Variants in STIMATE observed in about 807,000 individuals in gnomAD.
STIMATE encodes store-operated calcium entry regulator STIMATE.
A neutral mutation model predicts 36.7 loss-of-function variants in STIMATE; 15 were observed. The ratio of observed to expected loss-of-function variants is 0.41; its 90% CI spans 0.27 to 0.63. The LOEUF (loss-of-function observed/expected upper bound fraction) is 0.63. Among genes scored for constraint, STIMATE ranks in the 20% least tolerant of loss-of-function variants. STIMATE has a pLI of 0.32. For missense variants in STIMATE, 305 were observed against 397.3 expected (o/e 0.77, Z 1.98); for synonymous variants, 163 against 162.3 (o/e 1.00, Z -0.03).
rs1175153484 is a variant in STIMATE, at chr3:52,838,171, T to C, written c.*2323A>G. 1 of 152,142 alleles carries C rather than the reference T, an allele frequency of 6.6e-6. No individual in the cohort carries two copies. The allele number at this position is 152,142 out of a possible 1,614,324, so 9.4% of individuals were successfully genotyped here. On this transcript the variant is annotated 3_prime_UTR_variant, in exon 8 of 8. Coordinates refer to ENST00000355083, the MANE Select transcript of STIMATE (RefSeq NM_198563.5). ...TCAGGATACAGGGAAAAACCACCAC[T>C]CTTCAGCTACCTCTTTGTTCCCCAA...
At chr3:52,884,349 G>A (rs531524420) in intron 1 of STIMATE, among the ~76,000 whole-genome samples, 2 of 151,370 alleles carry the variant, frequency 1.3e-5, no homozygotes, top group Non-Finnish European at 2.9e-5. Context: ...GGGTTCAAGC[G>A]ATTCTCCTGC....
chr3:52,846,119 CTT>C (rs1246900582), intron 4 of STIMATE, among the ~76,000 whole-genome samples: 1 of 152,244 alleles, frequency 6.6e-6, no homozygotes, highest in Non-Finnish European at 1.5e-5. Flanking sequence ...AAGGGAATGA[CTT>C]TATGCAGCTG....
intron 1 of STIMATE, among the ~76,000 whole-genome samples, chr3:52,892,916 C>T (rs1290652178): frequency 2.0e-5 from 3 of 152,102 alleles, no homozygotes; most frequent in Non-Finnish European, 4.4e-5. Context: ...ATAACTGCTC[C>T]AGACCAAACT....
chr3:52,897,187 T>C (rs1446546274), intron 1 of STIMATE, 104 bp downstream of exon 1: 1 of 1,420,432 alleles, frequency 7.0e-7, no homozygotes, highest in Non-Finnish European at 9.3e-7. Flanking sequence ...GAGGAGCAAT[T>C]CGGGTCCCAA....
intron 4 of STIMATE, chr3:52,847,192 G>A (rs1700922935): frequency 9.4e-7 from 1 of 1,067,322 alleles, no homozygotes; most frequent in Non-Finnish European, 1.1e-6. Context: ...AATGACAGGT[G>A]TGAGCCACTG....
chr3:52,847,465 C>A (rs1700927280), intron 4 of STIMATE: 1 of 1,289,180 alleles, frequency 7.8e-7, no homozygotes, highest in Admixed American at 2.3e-5. Context: ...CACCATGCGT[C>A]ACCTGGATCT....
At chr3:52,885,502 T>C (rs1028983122) in intron 1 of STIMATE, among the ~76,000 whole-genome samples, 1 of 152,228 alleles carries the variant, frequency 6.6e-6, no homozygotes, top group Admixed American at 6.5e-5. Flanking sequence ...CAACAACGTC[T>C]CTCTGCTCTA....
intron 1 of STIMATE, among the ~76,000 whole-genome samples, chr3:52,882,487 A>C (rs1304194510): frequency 6.6e-6 from 1 of 152,158 alleles, no homozygotes; most frequent in Admixed American, 6.5e-5. Flanking sequence ...TGGATGTGGC[A>C]TGGATGCATC....
chr3:52,873,627 A>C (rs1027695110), intron 1 of STIMATE, among the ~76,000 whole-genome samples: 4 of 152,162 alleles, frequency 2.6e-5, no homozygotes, highest in Non-Finnish European at 4.4e-5. Flanking sequence ...CTGCTCCAAG[A>C]GCCCTAGGGG....
chr3:52,863,774 G>T (rs1162963487), intron 1 of STIMATE, among the ~76,000 whole-genome samples: 3 of 152,198 alleles, frequency 2.0e-5, no homozygotes, highest in African/African-American at 7.2e-5. Flanking sequence ...ACTCCAAATG[G>T]GAGAAATTGG....
In STIMATE at chr3:52,845,017, C is replaced by T. The variant is rs1218625315; in HGVS notation, c.428-76G>A. ...AGATGATGTCCCCACCCCACTCCCCCACACGCACCCCAGAACACTGGCTCT... is the reference window on the plus strand; with the variant it reads ...AGATGATGTCCCCACCCCACTCCCCTACACGCACCCCAGAACACTGGCTCT... On this transcript the variant is annotated intron_variant, in intron 4 of 7. Transcript: ENST00000355083. 3 of 1,483,010 alleles carry T rather than the reference C, an allele frequency of 2.0e-6. No individual in the cohort carries two copies. The East Asian group carries it at 7.0e-5, about 35-fold the overall frequency. 91.9% of individuals were successfully genotyped at this position (1,483,010 alleles called of 1,614,324 possible).
At chr3:52,843,066 C>G (rs1428586768) in intron 6 of STIMATE, 106 bp from the exon 7 acceptor site, 1 of 1,524,950 alleles carries the variant, frequency 6.6e-7, no homozygotes, top group Non-Finnish European at 8.8e-7. Context: ...AGATCCAGAG[C>G]TATGGAAAGA....
At chr3:52,895,840 A>C (rs1292532087) in intron 1 of STIMATE, 1 of 1,252,092 alleles carries the variant, frequency 8.0e-7, no homozygotes, top group Non-Finnish European at 1.0e-6. Context: ...GGCTGTCTGG[A>C]GGACAGAGAA....
At chr3:52,855,339 C>CCCA in intron 2 of STIMATE, 57 bp downstream of exon 2, 1 of 1,589,708 alleles carries the variant, frequency 6.3e-7, no homozygotes, top group Non-Finnish European at 8.6e-7. Context: ...CCCCCAGCCC[C>CCCA]AAGACCCCCA....
At position 52,897,410 on chromosome 3, in the gene STIMATE, C is replaced by A; in HGVS notation, c.41G>T (p.Gly14Val). ...GGACGCGACTGTGGAGGGCGGCCCG[C>A]CTGGCAGTCCCCGGCTCGCGTTCCC... ...PAGNASRGLP[G>V]GPPSTVASGA... Residue 14 changes from glycine (G) to valine (V), a missense_variant, in exon 1 of 8, where the codon GGC becomes GTC. Physicochemically the swap from Gly to Val is moderately radical, Grantham distance 109 (BLOSUM62 -3). This residue lies in a region of STIMATE where 57 missense variants were observed against 57.1 expected (regional missense o/e 1.00). Transcript: ENST00000355083. The A allele has an allele frequency of 6.8e-7, 1 of 1,468,394 alleles. No homozygotes were observed. Among genetic ancestry groups the A allele is most frequent in the South Asian group, 1.3e-5 (1 of 76,524 alleles). The allele number at this position is 1,468,394 out of a possible 1,614,324, so 91.0% of individuals were successfully genotyped here.
At chr3:52,869,336 G>A (rs577834431) in intron 1 of STIMATE, among the ~76,000 whole-genome samples, 1 of 152,210 alleles carries the variant, frequency 6.6e-6, no homozygotes, top group Non-Finnish European at 1.5e-5. Context: ...CCCAACATCA[G>A]AGGACATAAT....
At chr3:52,859,733 T>C (rs1701182791) in intron 1 of STIMATE, among the ~76,000 whole-genome samples, 1 of 150,892 alleles carries the variant, frequency 6.6e-6, no homozygotes, top group Admixed American at 6.6e-5. Context: ...ATTAAAGGAA[T>C]TATGGATCAA....
intron 1 of STIMATE, among the ~76,000 whole-genome samples, chr3:52,879,842 A>T (rs895069409): frequency 6.6e-6 from 1 of 152,204 alleles, no homozygotes. Flanking sequence ...CTTAAAGAAC[A>T]CGTGGAAAAG....
At chr3:52,893,140 T>C (rs1032816366) in intron 1 of STIMATE, among the ~76,000 whole-genome samples, 1 of 152,142 alleles carries the variant, frequency 6.6e-6, no homozygotes, top group Non-Finnish European at 1.5e-5. Flanking sequence ...GTGTGGACCT[T>C]GATTGGATCT....
Sources: allele counts gnomAD v4.1 joint callset (sites outside exome capture counted in the v4.1 genomes callset), GRCh38; gene constraint gnomAD v4.1.1; regional missense constraint gnomAD v4.1.1; transcripts MANE v1.5; gene names NCBI Gene and HGNC (gene_info 2026-07-23, HGNC 2026-07-21).